The following CNTN1 variants were observed in gnomAD, a reference collection of about 807,000 sequenced individuals.
The protein encoded by CNTN1 is contactin-1.
Under a neutral mutation model 126.4 loss-of-function variants are expected in CNTN1, and 38 were observed. The ratio of observed to expected loss-of-function variants is 0.30; its 90% confidence interval spans 0.23 to 0.39. The LOEUF (loss-of-function observed/expected upper bound fraction) is 0.39, where lower values mean the gene tolerates loss of function less well. CNTN1 is among the 10% of genes least tolerant of loss of function. The pLI, the probability that CNTN1 is intolerant of heterozygous loss-of-function variation, is 1.00. For synonymous variants in CNTN1, 413 were observed against 422.6 expected, an observed-to-expected ratio of 0.98 and a Z score of 0.28; for missense variants, 1,009 against 1,248.4, an observed-to-expected ratio of 0.81 and a Z score of 2.89.
chr12:40,760,908 C>A (rs1471628620), intron 1 of CNTN1, among the ~76,000 whole-genome samples: 4 of 151,738 alleles, frequency 2.6e-5, no homozygotes, highest in African/African-American at 9.7e-5. Flanking sequence ...TACCTGTGTT[C>A]CCCTAACTTA....
intron 14 of CNTN1, among the ~76,000 whole-genome samples, chr12:40,945,022 A>G (rs958434863): frequency 6.6e-6 from 1 of 152,102 alleles, no homozygotes; most frequent in Non-Finnish European, 1.5e-5. Flanking sequence ...AAATCTGAAG[A>G]TTGATATGTA....
intron 20 of CNTN1, 93 bp downstream of exon 20, chr12:41,020,533 TTTATG>T: frequency 1.3e-6 from 1 of 788,846 alleles, no homozygotes; most frequent in East Asian, 2.7e-5. Flanking sequence ...GTCCCATTAA[TTTATG>T]TGGCAACTAA....
intron 1 of CNTN1, among the ~76,000 whole-genome samples, chr12:40,853,289 T>C (rs1233763115): frequency 6.6e-6 from 1 of 152,140 alleles, no homozygotes; most frequent in Admixed American, 6.6e-5. Context: ...CAAAATATTA[T>C]GTTCAAAGGA....
intron 3 of CNTN1, among the ~76,000 whole-genome samples, chr12:40,910,999 A>G (rs534832153): frequency 6.6e-6 from 1 of 152,348 alleles, no homozygotes; most frequent in Admixed American, 6.5e-5. Context: ...GGGAAGAAAA[A>G]GAAGTTTAAT....
At chr12:40,791,996 A>G (rs566182174) in intron 1 of CNTN1, among the ~76,000 whole-genome samples, 4 of 152,146 alleles carry the variant, frequency 2.6e-5, no homozygotes, top group Non-Finnish European at 5.9e-5. Flanking sequence ...ATGTTGTTCT[A>G]TTTATCAAAT....
At chr12:40,717,537 A>C (rs145106176) in intron 1 of CNTN1, among the ~76,000 whole-genome samples, 187 of 152,352 alleles carry the variant, frequency 1.2e-3, no homozygotes, top group African/African-American at 4.4e-3. Flanking sequence ...ATTGGTATTT[A>C]AAATAAGTGA....
intron 13 of CNTN1, 122 bp from the exon 14 acceptor site, chr12:40,943,873 T>C (rs1946345816): frequency 1.4e-6 from 2 of 1,380,422 alleles, no homozygotes; most frequent in African/African-American, 2.9e-5. Flanking sequence ...TCTTGGAATT[T>C]GGAAGTGAAA....
chr12:40,871,905 G>A (rs1943512046), intron 1 of CNTN1, among the ~76,000 whole-genome samples: 1 of 151,938 alleles, frequency 6.6e-6, no homozygotes, highest in South Asian at 2.1e-4. Context: ...CTGGTTTATT[G>A]AGTGATTTCT....
At chr12:40,981,217 A>G in intron 16 of CNTN1, 150 bp downstream of exon 16, 2 of 699,206 alleles carry the variant, frequency 2.9e-6, no homozygotes, top group South Asian at 3.7e-5. Flanking sequence ...ATATTTTGGT[A>G]ATGAAGAAAA....
intron 1 of CNTN1, among the ~76,000 whole-genome samples, chr12:40,788,170 AT>A (rs1426283801): frequency 1.3e-5 from 2 of 152,154 alleles, no homozygotes; most frequent in Admixed American, 1.3e-4. Context: ...ATCTAATGTT[AT>A]CTGCCCTGCT....
chr12:40,721,960 A>G (rs1035388608), intron 1 of CNTN1, among the ~76,000 whole-genome samples: 2 of 150,926 alleles, frequency 1.3e-5, no homozygotes, highest in Admixed American at 1.3e-4. Flanking sequence ...ATTGTTGGAC[A>G]TTTGGGTTGG....
intron 1 of CNTN1, among the ~76,000 whole-genome samples, chr12:40,816,048 T>C (rs1179466657): frequency 2.0e-5 from 3 of 152,222 alleles, no homozygotes; most frequent in African/African-American, 7.2e-5. Context: ...TGGATTCAGC[T>C]AGCCAGTATT....
chr12:40,888,558 A>C (rs1944133791), intron 1 of CNTN1, among the ~76,000 whole-genome samples: 1 of 152,206 alleles, frequency 6.6e-6, no homozygotes, highest in Non-Finnish European at 1.5e-5. Context: ...TATGGTTTAC[A>C]ATCTTAACTT....
At chr12:40,830,519 T>G (rs1941773718) in intron 1 of CNTN1, among the ~76,000 whole-genome samples, 1 of 151,546 alleles carries the variant, frequency 6.6e-6, no homozygotes, top group Non-Finnish European at 1.5e-5. Flanking sequence ...AAACTGTAGT[T>G]GATATACATT....
intron 7 of CNTN1, among the ~76,000 whole-genome samples, chr12:40,932,567 C>T (rs1945925509): frequency 6.6e-6 from 1 of 151,922 alleles, no homozygotes; most frequent in East Asian, 1.9e-4. Context: ...TGGGTTCAAG[C>T]TCATATACTT....
intron 23 of CNTN1, chr12:41,061,855 T>C: frequency 6.6e-6 from 3 of 455,250 alleles, no homozygotes; most frequent in Non-Finnish European, 1.3e-5. Context: ...GTTGCTAAAG[T>C]TATATAACTA....
intron 1 of CNTN1, among the ~76,000 whole-genome samples, chr12:40,845,429 C>A (rs1267333288): frequency 6.6e-6 from 1 of 152,142 alleles, no homozygotes; most frequent in African/African-American, 2.4e-5. Flanking sequence ...TATATTATCA[C>A]CTGTTTCACA....
At chr12:40,918,203 A>G (rs1945311308) in intron 3 of CNTN1, among the ~76,000 whole-genome samples, 1 of 152,180 alleles carries the variant, frequency 6.6e-6, no homozygotes, top group East Asian at 1.9e-4. Flanking sequence ...GGGGAGCTAC[A>G]GGAACTCAAA....
chr12:40,766,255 GC>G (rs1190331445), intron 1 of CNTN1, among the ~76,000 whole-genome samples: 1 of 151,810 alleles, frequency 6.6e-6, no homozygotes, highest in Non-Finnish European at 1.5e-5. Context: ...TACTTGGGAA[GC>G]TGAGGCAGGA....
Sources: allele counts gnomAD v4.1 joint callset (sites outside exome capture counted in the v4.1 genomes callset), GRCh38; gene constraint gnomAD v4.1.1; transcripts MANE v1.5; gene names NCBI Gene and HGNC (gene_info 2026-07-23, HGNC 2026-07-21).